Variants in SCAI observed in about 807,000 individuals in gnomAD.
SCAI encodes protein SCAI.
Under a neutral mutation model 92.2 loss-of-function variants are expected in SCAI, and 24 were observed. The observed-to-expected ratio is 0.26, with a 90% CI of 0.19 to 0.37. The LOEUF is 0.37. Ranked by LOEUF, SCAI falls within the 10% of genes least tolerant of loss-of-function variation. SCAI has a pLI of 1.00. For missense variants in SCAI, 450 were observed against 736.2 expected, an observed-to-expected ratio of 0.61 and a Z score of 4.50; for synonymous variants, 261 against 258.6, an observed-to-expected ratio of 1.01 and a Z score of -0.09.
chr9:125,003,032 G>A (rs1832398266), intron 11 of SCAI, 82 bp downstream of exon 11: 1 of 831,094 alleles, frequency 1.2e-6, no homozygotes, highest in Middle Eastern at 2.3e-4. Flanking sequence ...AAACTCTTAA[G>A]TATTTTTTCA....
rs1198970224 is a variant in SCAI at position 125,003,316 on chromosome 9, C to A, written c.964-101G>T. On this transcript the variant is annotated intron_variant, in intron 10 of 17. Coordinates refer to ENST00000336505, the MANE Select transcript of SCAI (RefSeq NM_001144877.3). ...GCCCTTATCAAGGAAGTCTTATTTT[C>A]ACACTCAGTCTTACTGTGATGATCT... 6 of 1,055,876 alleles carry A rather than the reference C, an allele frequency of 5.7e-6. No homozygotes were observed. The African/African-American group carries it at 9.4e-5, about 17-fold the overall frequency. The allele number at this position is 1,055,876 out of a possible 1,614,324, so 65.4% of individuals were successfully genotyped here. A position where few individuals can be genotyped will look rare whatever the true frequency, so the allele number is the denominator to read the frequency against.
chr9:124,982,045 T>C (rs1371537842), intron 14 of SCAI, among the ~76,000 whole-genome samples: 1 of 152,254 alleles, frequency 6.6e-6, no homozygotes, highest in African/African-American at 2.4e-5. Flanking sequence ...TAAATTCTTC[T>C]ATTCTATATT....
At chr9:124,994,396 G>A (rs927868962) in intron 14 of SCAI, among the ~76,000 whole-genome samples, 10 of 152,138 alleles carry the variant, frequency 6.6e-5, no homozygotes, top group African/African-American at 2.2e-4. Flanking sequence ...AATATAAAAC[G>A]AAGGATGTTC....
At chr9:125,108,640 C>T (rs1221178173) in intron 2 of SCAI, among the ~76,000 whole-genome samples, 2 of 146,754 alleles carry the variant, frequency 1.4e-5, no homozygotes, top group Admixed American at 6.7e-5. Context: ...GCCCGGCAGC[C>T]GCCCCGTCTG....
intron 9 of SCAI, among the ~76,000 whole-genome samples, chr9:125,017,148 T>C (rs1250758159): frequency 6.6e-6 from 1 of 151,652 alleles, no homozygotes; most frequent in Non-Finnish European, 1.5e-5. Flanking sequence ...CATATGGAGC[T>C]GTACTAGATA....
chr9:125,018,742 T>C (rs2131070531), intron 9 of SCAI, 57 bp downstream of exon 9: 1 of 1,400,928 alleles, frequency 7.1e-7, no homozygotes, highest in Non-Finnish European at 9.9e-7. Flanking sequence ...TCTGTGATCA[T>C]CAATAGCACT....
chr9:125,074,890 G>A (rs1840046266), intron 2 of SCAI, among the ~76,000 whole-genome samples: 1 of 151,980 alleles, frequency 6.6e-6, no homozygotes, highest in South Asian at 2.1e-4. Flanking sequence ...TGTAATCCCA[G>A]CCACTCGGGA....
At chr9:125,089,044 T>A (rs1036831875) in intron 2 of SCAI, among the ~76,000 whole-genome samples, 1 of 152,202 alleles carries the variant, frequency 6.6e-6, no homozygotes, top group East Asian at 1.9e-4. Flanking sequence ...AGAAGCCCAG[T>A]GCTGATATAC....
intron 17 of SCAI, among the ~76,000 whole-genome samples, chr9:124,962,174 G>GA (rs1390328727): frequency 1.4e-5 from 2 of 142,964 alleles, no homozygotes; most frequent in Admixed American, 1.4e-4. Flanking sequence ...TTTTTTTGCG[G>GA]GGGGGGATGG....
At chr9:125,044,657 A>C (rs1228550270) in intron 3 of SCAI, among the ~76,000 whole-genome samples, 2 of 152,170 alleles carry the variant, frequency 1.3e-5, no homozygotes, top group Non-Finnish European at 2.9e-5. Flanking sequence ...AAATTCTGGT[A>C]CTCAAAAAAT....
At position 125,113,868 on chromosome 9, in the gene SCAI, G is replaced by A. The variant is rs528829595; in HGVS notation, c.98+28765C>T. 1.8e-3 allele frequency among the ~76,000 whole-genome samples: 271 copies of A among 152,106 alleles called. 1 individual carries two copies. Among genetic ancestry groups the A allele is most frequent in the African/African-American group, 6.2e-3 (258 of 41,516 alleles). ...TCCCAGCTACTTGGGAGGATGAGGC[G>A]GGAGAATAGCTTGAAAGCGGGAGGC... is the stretch of plus-strand genomic sequence containing the variant. On this transcript the variant is annotated intron_variant, in intron 2 of 17. Coordinates refer to ENST00000336505, the MANE Select transcript of SCAI (RefSeq NM_001144877.3).
At chr9:125,125,089 C>T (rs562032250) in intron 2 of SCAI, among the ~76,000 whole-genome samples, 5 of 152,166 alleles carry the variant, frequency 3.3e-5, no homozygotes, top group African/African-American at 9.6e-5. Flanking sequence ...GGCATGGTGG[C>T]GCACACCTGT....
At chr9:125,101,060 T>TAAC (rs898281203) in intron 2 of SCAI, among the ~76,000 whole-genome samples, 38 of 151,976 alleles carry the variant, frequency 2.5e-4, no homozygotes, top group African/African-American at 7.0e-4. Flanking sequence ...CCCCATCTCT[T>TAAC]AACAACAACA....
chr9:124,954,326 A>T (rs1415917281), intron 17 of SCAI, among the ~76,000 whole-genome samples: 2 of 152,246 alleles, frequency 1.3e-5, no homozygotes, highest in Admixed American at 6.5e-5. Flanking sequence ...GTGCAGATAA[A>T]ACCACTGCCA....
At chr9:124,980,202 A>T (rs1831855119) in intron 14 of SCAI, among the ~76,000 whole-genome samples, 1 of 152,144 alleles carries the variant, frequency 6.6e-6, no homozygotes, top group African/African-American at 2.4e-5. Context: ...TAGGGATCTT[A>T]GCCATGTCGC....
chr9:125,034,050 A>T (rs545017416), intron 3 of SCAI, among the ~76,000 whole-genome samples: 4 of 152,364 alleles, frequency 2.6e-5, no homozygotes, highest in African/African-American at 9.6e-5. Context: ...GAACAGAGTC[A>T]AGGGAAACCA....
chr9:125,046,797 G>A (rs994126413), intron 3 of SCAI, among the ~76,000 whole-genome samples: 3 of 151,698 alleles, frequency 2.0e-5, no homozygotes, highest in African/African-American at 7.3e-5. Context: ...GATGCTCTAT[G>A]TTTCTAGTAA....
rs560410590 is a variant in SCAI, at chr9:125,030,190, T to G, written c.231-451A>C. ...CCTCTCCCTATAAGATAAATATACA[T>G]CCCTGTCCTTGAACCTGGTGACTTA... is the stretch of plus-strand genomic sequence containing the variant. On this transcript the variant is annotated intron_variant, in intron 3 of 17. Coordinates refer to ENST00000336505, the MANE Select transcript of SCAI (RefSeq NM_001144877.3). Among the ~76,000 whole-genome samples the G allele has an allele frequency of 3.3e-5, 5 of 152,330 alleles. No individual in the cohort carries two copies. In the South Asian group the frequency reaches 6.2e-4, roughly 19 times the overall value.
At position 124,971,668 on chromosome 9, in the gene SCAI, T is replaced by C; in HGVS notation, c.1573+3A>G. 6.3e-7 allele frequency: 1 copy of C among 1,594,826 alleles called. No individual in the cohort carries two copies. ...TAAACGTGCAGTTAGATTAGGAGGG[T>C]ACCTATTGAACGTGAATGAGTCAGT... is the stretch of plus-strand genomic sequence containing the variant. On this transcript the variant is annotated splice_donor_region_variant and intron_variant, in intron 16 of 17. Transcript: ENST00000336505.
Sources: gnomAD v4.1 joint callset for allele counts (sites outside exome capture counted in the v4.1 genomes callset) on GRCh38, gnomAD v4.1.1 for gene constraint, MANE v1.5 for transcripts, NCBI Gene and HGNC (gene_info 2026-07-23, HGNC 2026-07-21) for gene names.